The following SFPQ variants were observed in gnomAD, a reference collection of about 807,000 sequenced individuals.
The protein encoded by SFPQ is splicing factor proline and glutamine rich.
A neutral mutation model predicts 72.9 loss-of-function variants in SFPQ; 11 were observed. The ratio of observed to expected loss-of-function variants is 0.15; its 90% CI spans 0.09 to 0.25. The LOEUF (loss-of-function observed/expected upper bound fraction) is 0.25. SFPQ is among the 10% of genes least tolerant of loss of function. SFPQ has a pLI of 1.00. For synonymous variants in SFPQ, 506 were observed against 367.3 expected (o/e 1.38, Z -4.32); for missense variants, 847 against 993.3 (o/e 0.85, Z 1.98).
Position 35,191,324 on chromosome 1 carries a change from C to T in SFPQ, c.1017+17G>A, listed in dbSNP as rs775313328. The T allele has an allele frequency of 3.1e-6, 5 of 1,606,650 alleles. No homozygotes were observed. The South Asian group carries it at 4.4e-5, about 14-fold the overall frequency. On this transcript the variant is annotated intron_variant, in intron 2 of 9. Transcript: ENST00000357214. ...CACCCTTTTTAATTCTACGTAAAAT[C>T]AAACAATTACACTCACAAGCTTAAT...
chr1:35,178,847 ACATTGTC>A (rs1570103992), downstream of SFPQ: 1 of 1,048,140 alleles, frequency 9.5e-7, no homozygotes, highest in East Asian at 5.5e-5. Flanking sequence ...CCCATTCTCC[ACATTGTC>A]CTATCTTAAG....
chr1:35,178,431 CAAGT>C (rs1639335371), downstream of SFPQ: 1 of 1,063,912 alleles, frequency 9.4e-7, no homozygotes, highest in African/African-American at 1.6e-5. Context: ...GCTCCCCATT[CAAGT>C]ATGTCTTCCA....
chr1:35,182,806 T>C (rs903797772), downstream of SFPQ: 8 of 1,051,414 alleles, frequency 7.6e-6, no homozygotes, highest in African/African-American at 1.2e-4. Flanking sequence ...CTCTAACATA[T>C]TTACACTGGG....
chr1:35,188,203 G>C, intron 6 of SFPQ, 113 bp from the exon 7 acceptor site: 1 of 774,554 alleles, frequency 1.3e-6, no homozygotes, highest in Non-Finnish European at 2.3e-6. Context: ...AAAACACAAA[G>C]GCTTAGAGTG....
intron 7 of SFPQ, 75 bp from the exon 8 acceptor site, chr1:35,187,326 C>T (rs1639769258): frequency 3.8e-6 from 5 of 1,317,358 alleles, no homozygotes; most frequent in Non-Finnish European, 5.4e-6. Flanking sequence ...GAGAAATTTT[C>T]AAGAGTTAAA....
rs548625887 is a variant in SFPQ, at chr1:35,184,142, T to C, written c.*314A>G. On this transcript the variant is annotated 3_prime_UTR_variant, in exon 10 of 10. Transcript: ENST00000357214. ...ATATTATAACTATTTTTCTATTTAT[T>C]TGAAGCACAGTAAAAAAAAAAAAAT... 4.3e-6 allele frequency: 5 copies of C among 1,150,172 alleles called. No homozygotes were observed. The highest frequency in any genetic ancestry group is 2.9e-5 in the South Asian group (1 of 34,850). The allele number at this position is 1,150,172 out of a possible 1,614,324, so 71.2% of individuals were successfully genotyped here.
In SFPQ at chr1:35,184,261, GA is replaced by G. The variant is rs1040360248; in HGVS notation, c.*194del. Reference sequence around the variant, plus strand: ...AAAGAAAAAATAAAGAAATAAAAAGGAAAAAAAAATTCTCCTGTTCCAAACA... The same window carrying G: ...AAAGAAAAAATAAAGAAATAAAAAGGAAAAAAAATTCTCCTGTTCCAAACA... On this transcript the variant is annotated 3_prime_UTR_variant, in exon 10 of 10. Transcript: ENST00000357214. 5.6e-5 allele frequency: 75 copies of G among 1,343,338 alleles called. No individual in the cohort carries two copies. Among genetic ancestry groups the G allele is most frequent in the Middle Eastern group, 2.7e-4 (1 of 3,682 alleles). The allele number at this position is 1,343,338 out of a possible 1,614,324, so 83.2% of individuals were successfully genotyped here. A position where few individuals can be genotyped will look rare whatever the true frequency, so the allele number is the denominator to read the frequency against.
At chr1:35,187,791 C>CA (rs1557801307) in intron 7 of SFPQ, among the ~76,000 whole-genome samples, 182 bp downstream of exon 7, 1 of 151,316 alleles carries the variant, frequency 6.6e-6, no homozygotes, top group African/African-American at 2.4e-5. Context: ...AAACAAAACA[C>CA]AAAAAAACTT....
downstream of SFPQ, chr1:35,179,000 CATT>C: frequency 9.5e-7 from 1 of 1,056,648 alleles, no homozygotes; most frequent in Non-Finnish European, 1.1e-6. Context: ...AATTGCCAAT[CATT>C]ATCTAGCAGC....
intron 1 of SFPQ, among the ~76,000 whole-genome samples, chr1:35,191,999 A>G (rs1293042845): frequency 6.6e-6 from 1 of 151,806 alleles, no homozygotes; most frequent in African/African-American, 2.4e-5. Context: ...CTTCCTTCCG[A>G]AAGGAAACCT....
chr1:35,191,548 A>T lies in SFPQ; in HGVS notation c.829-19T>A, dbSNP rs1332275633. On this transcript the variant is annotated intron_variant, in intron 1 of 9. Coordinates refer to ENST00000357214, the MANE Select transcript of SFPQ (RefSeq NM_005066.3). ...TAAACCCCTAATGAAAAAGGAAAGA[A>T]GTTTTCAAACACCAGAGACCTCTGC... 11 of 1,594,890 alleles carry T rather than the reference A, an allele frequency of 6.9e-6. No individual in the cohort carries two copies. The highest frequency in any genetic ancestry group is 2.2e-5 in the East Asian group (1 of 44,764).
At position 35,183,214 on chromosome 1, in the gene SFPQ, C is replaced by T. The variant is rs1444595506; in HGVS notation, c.*1242G>A. 9 of 986,198 alleles carry T rather than the reference C, an allele frequency of 9.1e-6. No homozygotes were observed. Among genetic ancestry groups the T allele is most frequent in the Non-Finnish European group, 1.1e-5 (9 of 824,048 alleles). 61.1% of individuals were successfully genotyped at this position (986,198 alleles called of 1,614,324 possible). A position where few individuals can be genotyped will look rare whatever the true frequency, so the allele number is the denominator to read the frequency against. On this transcript the variant is annotated 3_prime_UTR_variant, in exon 10 of 10. Coordinates refer to ENST00000357214, the MANE Select transcript of SFPQ (RefSeq NM_005066.3). ...AATGTATATATAACTAAACCTACTT[C>T]AGTACTAAACCTTTTTTTTTTTTTG...
downstream of SFPQ, chr1:35,180,281 G>A (rs991107307): frequency 2.9e-6 from 3 of 1,048,640 alleles, no homozygotes; most frequent in African/African-American, 5.0e-5. Flanking sequence ...AACAACAGTT[G>A]ATGCAAAGTC....
Position 35,183,817 on chromosome 1 carries a change from T to A in SFPQ, c.*639A>T. The A allele has an allele frequency of 9.5e-7, 1 of 1,055,836 alleles. No individual in the cohort carries two copies. Among genetic ancestry groups the A allele is most frequent in the African/African-American group, 1.6e-5 (1 of 60,654 alleles). 65.4% of individuals were successfully genotyped at this position (1,055,836 alleles called of 1,614,324 possible). A position where few individuals can be genotyped will look rare whatever the true frequency, so the allele number is the denominator to read the frequency against. Reference sequence around the variant, plus strand: ...CCCCTACCAATTGTCTTACACCCATTCCACAATCTTAATACATATTCCTGA... The same window carrying A: ...CCCCTACCAATTGTCTTACACCCATACCACAATCTTAATACATATTCCTGA... On this transcript the variant is annotated 3_prime_UTR_variant, in exon 10 of 10. Coordinates refer to ENST00000357214, the MANE Select transcript of SFPQ (RefSeq NM_005066.3).
In SFPQ at chr1:35,191,496, GCCT is replaced by G. The variant is rs781424693; in HGVS notation, c.859_861del (p.Arg287del). On this transcript the variant is annotated inframe_deletion, in exon 2 of 10. Coordinates refer to ENST00000357214, the MANE Select transcript of SFPQ (RefSeq NM_005066.3). ...CGCTGTGTGTAAGTTTTCTCTCCAG[GCCT>G]CCTCAAGAGAGACAAATTGGCTTTA... is the stretch of plus-strand genomic sequence containing the variant. 8 of 1,613,958 alleles carry G rather than the reference GCCT, an allele frequency of 5.0e-6. No individual in the cohort carries two copies. Among genetic ancestry groups the G allele is most frequent in the Non-Finnish European group, 6.8e-6 (8 of 1,180,008 alleles).
chr1:35,177,964 G>A (rs1195655482), downstream of SFPQ: 18 of 1,183,162 alleles, frequency 1.5e-5, no homozygotes, highest in Non-Finnish European at 1.6e-5. Context: ...GCCTGTAGGG[G>A]TTAAGATTTC....
At chr1:35,187,532 A>G (rs1570126732) in intron 7 of SFPQ, among the ~76,000 whole-genome samples, 1 of 152,200 alleles carries the variant, frequency 6.6e-6, no homozygotes, top group Non-Finnish European at 1.5e-5. Context: ...GGAGTTCAAG[A>G]CCAGCCTGGC....
At position 35,187,270 on chromosome 1, in the gene SFPQ, T is replaced by C; in HGVS notation, c.1816-19A>G. The C allele has an allele frequency of 3.7e-6, 6 of 1,613,182 alleles. No homozygotes were observed. The highest frequency in any genetic ancestry group is 5.1e-6 in the Non-Finnish European group (6 of 1,179,078). ...TTTCCCGCTGCAAGAAAAAAATTCC[T>C]TTCAATATACCTGCACTATACCCAC... On this transcript the variant is annotated intron_variant, in intron 7 of 9. Coordinates refer to ENST00000357214, the MANE Select transcript of SFPQ (RefSeq NM_005066.3).
chr1:35,181,597 A>G (rs1639468792), downstream of SFPQ: 1 of 1,060,992 alleles, frequency 9.4e-7, no homozygotes, highest in Non-Finnish European at 1.1e-6. Context: ...GGGTCTTAAC[A>G]ATATGCAGTT....
Sources: allele counts gnomAD v4.1 joint callset (sites outside exome capture counted in the v4.1 genomes callset), GRCh38; gene constraint gnomAD v4.1.1; transcripts MANE v1.5; gene names NCBI Gene and HGNC (gene_info 2026-07-23, HGNC 2026-07-21).